Variants in LYST observed in about 807,000 individuals in gnomAD.
The protein encoded by LYST is lysosomal-trafficking regulator.
LYST carries 192 observed loss-of-function variants against 413.6 expected under a neutral mutation model. The ratio of observed to expected loss-of-function variants is 0.46; its 90% CI spans 0.41 to 0.52. The LOEUF is 0.52. Among genes scored for constraint, LYST ranks in the 20% least tolerant of loss-of-function variants. The pLI is 0.00. For missense variants in LYST, 3,815 were observed against 4,499.9 expected (o/e 0.85, Z 4.35); for synonymous variants, 1,525 against 1,567.3 (o/e 0.97, Z 0.64).
At chr1:235,858,982 C>A (rs1679540062) in intron 1 of LYST, among the ~76,000 whole-genome samples, 1 of 152,206 alleles carries the variant, frequency 6.6e-6, no homozygotes, top group African/African-American at 2.4e-5. Flanking sequence ...AAAGAAGTCA[C>A]ATGCCCCTAG....
intron 1 of LYST, among the ~76,000 whole-genome samples, chr1:235,865,312 C>G (rs1158799951): frequency 1.3e-5 from 2 of 150,618 alleles, no homozygotes; most frequent in Non-Finnish European, 2.9e-5. Context: ...GGTTCCCTGC[C>G]CTCCCTCTTC....
Position 235,664,061 on chromosome 1 carries a change from G to A in LYST, c.11196-6C>T, listed in dbSNP as rs767865573. 1 of 1,607,218 alleles carries A rather than the reference G, an allele frequency of 6.2e-7. No individual in the cohort carries two copies. Among genetic ancestry groups the A allele is most frequent in the Non-Finnish European group, 8.5e-7 (1 of 1,173,870 alleles). ...AGTCCCATGTGCTCCATAACCTAGAGGGGAAAAAAATCATCTAATTATGCA... is the reference window on the plus strand; with the variant it reads ...AGTCCCATGTGCTCCATAACCTAGAAGGGAAAAAAATCATCTAATTATGCA... On this transcript the variant is annotated splice_polypyrimidine_tract_variant and splice_region_variant and intron_variant, in intron 51 of 52. Transcript: ENST00000389793. The surrounding 1 kb of genome is among the most constrained non-coding windows in gnomAD (Gnocchi z 4.5).
In LYST at chr1:235,781,200, C is replaced by A. The variant is rs527669193; in HGVS notation, c.5024-145G>T. The A allele has an allele frequency of 4.1e-4, 251 of 613,262 alleles. 2 individuals are homozygous for A. The highest frequency in any genetic ancestry group is 5.5e-4 in the Non-Finnish European group (190 of 344,116). The allele number at this position is 613,262 out of a possible 1,614,324, so 38.0% of individuals were successfully genotyped here. ...TATAAAATTGATAAAGCCTCAATTT[C>A]GAAATTGGTGTAACGAGAAAATAAC... On this transcript the variant is annotated intron_variant, in intron 15 of 52. Coordinates refer to ENST00000389793, the MANE Select transcript of LYST (RefSeq NM_000081.4).
At chr1:235,770,373 C>A in intron 19 of LYST, 76 bp from the exon 20 acceptor site, 1 of 1,265,282 alleles carries the variant, frequency 7.9e-7, no homozygotes, top group South Asian at 1.2e-5. Flanking sequence ...AGACACACAA[C>A]GCGCAACAAT....
At chr1:235,784,719 C>A (rs1054176934) in intron 14 of LYST, among the ~76,000 whole-genome samples, 4 of 152,128 alleles carry the variant, frequency 2.6e-5, no homozygotes, top group Non-Finnish European at 5.9e-5. Context: ...GTGCCTGGCA[C>A]ATATTGAGAG....
In LYST at chr1:235,709,328, T is replaced by A; in HGVS notation, c.9926-20A>T. The A allele has an allele frequency of 6.4e-7, 1 of 1,566,338 alleles. No individual in the cohort carries two copies. Among genetic ancestry groups the A allele is most frequent in the Non-Finnish European group, 8.7e-7 (1 of 1,149,484 alleles). The stretch of plus-strand genomic sequence containing the variant: ...CAAAACCTAAAAGAGAAGATTAATA[T>A]TAATATTTAACTCCCCCACAGCAAG... On this transcript the variant is annotated intron_variant, in intron 43 of 52. Transcript: ENST00000389793.
intron 30 of LYST, among the ~76,000 whole-genome samples, chr1:235,743,219 C>T (rs1287854401): frequency 6.6e-6 from 1 of 152,162 alleles, no homozygotes; most frequent in African/African-American, 2.4e-5. Flanking sequence ...CTGATCAAAT[C>T]ACCTGTATCT....
intron 21 of LYST, among the ~76,000 whole-genome samples, chr1:235,763,864 T>C (rs1359411591): frequency 6.6e-6 from 1 of 152,160 alleles, no homozygotes; most frequent in African/African-American, 2.4e-5. Context: ...CTAAATGGTA[T>C]CCTTGATGAG....
intron 2 of LYST, among the ~76,000 whole-genome samples, chr1:235,832,883 G>A (rs1401920837): frequency 6.6e-6 from 1 of 151,996 alleles, no homozygotes; most frequent in African/African-American, 2.4e-5. Flanking sequence ...ATGGGATTTT[G>A]TTTTCCGTAA....
chr1:235,770,210 A>G lies in LYST; in HGVS notation c.5872T>C (p.Leu1958=), dbSNP rs1668533532. 2 of 1,613,806 alleles carry G rather than the reference A, an allele frequency of 1.2e-6. No individual in the cohort carries two copies. Among genetic ancestry groups the G allele is most frequent in the Non-Finnish European group, 8.5e-7 (1 of 1,179,774 alleles). Reference sequence around the variant, plus strand: ...AAGTGATGAACCACTTGAGCTTTCAATAACTGCTTAATATTAAACATCTGC... The same window carrying G: ...AAGTGATGAACCACTTGAGCTTTCAGTAACTGCTTAATATTAAACATCTGC... The part of the protein sequence containing the change: ...HQQMFNIKQL[L]KAQVVHHFLL... The change falls in exon 20 of 53, where the codon TTG becomes CTG. Residue 1958 remains leucine (L), a synonymous_variant. Coordinates refer to ENST00000389793, the MANE Select transcript of LYST (RefSeq NM_000081.4).
chr1:235,748,644 T>G (rs1369228005), intron 28 of LYST, among the ~76,000 whole-genome samples: 1 of 152,144 alleles, frequency 6.6e-6, no homozygotes, highest in Non-Finnish European at 1.5e-5. Context: ...GAGTCAGAGC[T>G]TTGTTCACTG....
intron 37 of LYST, among the ~76,000 whole-genome samples, chr1:235,728,940 A>G (rs1404816066): frequency 1.3e-5 from 2 of 152,146 alleles, no homozygotes; most frequent in East Asian, 3.8e-4. Context: ...CCACCCTCAG[A>G]ATTTCAGATT....
chr1:235,703,769 A>T (rs1661733921), intron 44 of LYST, among the ~76,000 whole-genome samples: 1 of 152,086 alleles, frequency 6.6e-6, no homozygotes, highest in South Asian at 2.1e-4. Flanking sequence ...TTTTAAAAAA[A>T]CCTTTAGGTT....
Position 235,757,380 on chromosome 1 carries a change from A to G in LYST, c.6960T>C (p.Asp2320=), listed in dbSNP as rs1667139941. Reference sequence around the variant, plus strand: ...TGTCCATCACATCTTCAAGCAAAACATCAGGCAGGATAAGAAGAACCCCAC... The same window carrying G: ...TGTCCATCACATCTTCAAGCAAAACGTCAGGCAGGATAAGAAGAACCCCAC... ...LLSGVLLILP[D]VLLEDVMDKL... is the part of the protein sequence containing the mutation. Residue 2320 remains aspartate, a synonymous_variant, in exon 24 of 53, where the codon GAT becomes GAC. Transcript: ENST00000389793. 33 of 1,613,702 alleles carry G rather than the reference A, an allele frequency of 2.0e-5. No individual in the cohort carries two copies. The highest frequency in any genetic ancestry group is 2.8e-5 in the Non-Finnish European group (33 of 1,179,742).
In LYST at chr1:235,781,027, A is replaced by G. The variant is rs1469029464; in HGVS notation, c.5052T>C (p.Phe1684=). 5.0e-6 allele frequency: 8 copies of G among 1,612,144 alleles called. No individual in the cohort carries two copies. The highest frequency in any genetic ancestry group is 2.2e-5 in the South Asian group (2 of 90,968). The part of the protein sequence containing the change: ...NGAKVGSQEA[F]YLYACGPNHT... ...GGTTGGGTCCACAAGCATACAGATA[A>G]AAGGCCTCTTGTGAACCAACCTTAG... Residue 1684 remains phenylalanine, a synonymous_variant, in exon 16 of 53, where the codon TTT becomes TTC. Coordinates refer to ENST00000389793, the MANE Select transcript of LYST (RefSeq NM_000081.4).
At chr1:235,845,092 G>A (rs538518507) in intron 1 of LYST, among the ~76,000 whole-genome samples, 5 of 152,196 alleles carry the variant, frequency 3.3e-5, no homozygotes, top group South Asian at 2.1e-4. Context: ...ATCCCGAGAG[G>A]ACCCACAGAC....
chr1:235,767,626 T>C (rs541681298), intron 20 of LYST, among the ~76,000 whole-genome samples: 5 of 151,506 alleles, frequency 3.3e-5, no homozygotes, highest in African/African-American at 9.8e-5. Flanking sequence ...TAGTCACTGG[T>C]ATTCTATTTT....
chr1:235,836,334 C>T (rs114490074), intron 1 of LYST, among the ~76,000 whole-genome samples: 172 of 152,162 alleles, frequency 1.1e-3, no homozygotes, highest in African/African-American at 3.7e-3. Context: ...GAGGTGGAGA[C>T]AGATGAAAAG....
intron 25 of LYST, 66 bp downstream of exon 25, chr1:235,755,412 A>AGAAAG (rs1666933101): frequency 7.4e-7 from 1 of 1,354,552 alleles, no homozygotes; most frequent in Non-Finnish European, 1.1e-6. Context: ...AGAAAAGAAA[A>AGAAAG]GAAAAGAAAA....
Sources: allele counts gnomAD v4.1 joint callset (sites outside exome capture counted in the v4.1 genomes callset), GRCh38; gene constraint gnomAD v4.1.1; non-coding constraint Gnocchi (gnomAD v3.1); transcripts MANE v1.5; gene names NCBI Gene and HGNC (gene_info 2026-07-23, HGNC 2026-07-21).